The following USP44 variants were observed in gnomAD, a reference collection of about 807,000 sequenced individuals.
USP44 encodes the protein ubiquitin carboxyl-terminal hydrolase 44.
Under a neutral mutation model 69.0 loss-of-function variants are expected in USP44, and 61 were observed. The observed-to-expected ratio is 0.88, with a 90% CI of 0.72 to 1.09. USP44 has a LOEUF of 1.09. Ranked by LOEUF, USP44 falls within the 50% of genes least tolerant of loss-of-function variation. The pLI, the probability that USP44 is intolerant of heterozygous loss-of-function variation, is 0.00. For synonymous variants in USP44, 297 were observed against 295.4 expected (o/e 1.01, Z -0.06); for missense variants, 753 against 849.9 (o/e 0.89, Z 1.42).
chr12:95,545,968 C>A (rs900347322), intron 1 of USP44, among the ~76,000 whole-genome samples: 1 of 152,162 alleles, frequency 6.6e-6, no homozygotes, highest in Admixed American at 6.5e-5. Flanking sequence ...TCCCTTGGGC[C>A]TTCCTCATGT....
intron 1 of USP44, among the ~76,000 whole-genome samples, chr12:95,550,196 A>AC (rs1457369224): frequency 2.6e-4 from 39 of 152,062 alleles, no homozygotes; most frequent in Non-Finnish European, 4.4e-4. Flanking sequence ...AAAAAAAAAA[A>AC]AAAAAAAAAT....
chr12:95,537,949 A>G (rs573663736), intron 1 of USP44, among the ~76,000 whole-genome samples: 1 of 152,332 alleles, frequency 6.6e-6, no homozygotes, highest in Middle Eastern at 3.4e-3. Context: ...ATTCCCTTGA[A>G]TACAAAAAAA....
At chr12:95,543,738 G>A (rs1410254765) in intron 1 of USP44, among the ~76,000 whole-genome samples, 2 of 151,514 alleles carry the variant, frequency 1.3e-5, no homozygotes, top group South Asian at 2.1e-4. Context: ...AGGCTGAGGC[G>A]GGCAGATCAC....
chr12:95,537,547 G>A (rs143371333), intron 1 of USP44, among the ~76,000 whole-genome samples: 134 of 152,178 alleles, frequency 8.8e-4, no homozygotes, highest in African/African-American at 3.1e-3. Flanking sequence ...TTGAGCTCCC[G>A]ACCTCGTGAC....
intron 2 of USP44, 25 bp from the exon 3 acceptor site, chr12:95,529,027 A>T: frequency 6.4e-7 from 1 of 1,572,618 alleles, no homozygotes; most frequent in South Asian, 1.2e-5. Context: ...ATGAGTTCCT[A>T]AGATTATAAT....
At chr12:95,542,528 G>A (rs2077422652) in intron 1 of USP44, among the ~76,000 whole-genome samples, 1 of 152,058 alleles carries the variant, frequency 6.6e-6, no homozygotes, top group Non-Finnish European at 1.5e-5. Context: ...CACTTTGGGA[G>A]GCCAAGGTGG....
rs1308302395 is a variant in USP44, at chr12:95,517,581, A to ATT, written c.*571_*572dup. 6.6e-6 allele frequency: 1 copy of ATT among 152,254 alleles called. No individual in the cohort carries two copies. Among genetic ancestry groups the ATT allele is most frequent in the African/African-American group, 2.4e-5 (1 of 41,450 alleles). 9.4% of individuals were successfully genotyped at this position (152,254 alleles called of 1,614,324 possible). A position where few individuals can be genotyped will look rare whatever the true frequency, so the allele number is the denominator to read the frequency against. On this transcript the variant is annotated 3_prime_UTR_variant, in exon 6 of 6. Transcript: ENST00000258499. The stretch of plus-strand genomic sequence containing the variant: ...TATAGTTTGACTATGCCAAAGAGCA[A>ATT]TTACTAAAGCAATTTTGGGGTTACA...
In USP44 at chr12:95,533,396, A is replaced by G. The variant is rs2077088916; in HGVS notation, c.861T>C (p.Val287=). 1 of 1,613,568 alleles carries G rather than the reference A, an allele frequency of 6.2e-7. No homozygotes were observed. The highest frequency in any genetic ancestry group is 1.3e-5 in the African/African-American group (1 of 74,934). Residue 287 remains valine, a synonymous_variant, in exon 2 of 6, where the codon GTT becomes GTC. Coordinates refer to ENST00000258499, the MANE Select transcript of USP44 (RefSeq NM_032147.5). The part of the protein sequence containing the change: ...NLGNTCYMNS[V]LQVLSHLLIF... Reference sequence around the variant, plus strand: ...TAAGTAAATGACTCAACACCTGAAGAACAGAATTCATATAGCAAGTATTTC... The same window carrying G: ...TAAGTAAATGACTCAACACCTGAAGGACAGAATTCATATAGCAAGTATTTC...
intron 3 of USP44, among the ~76,000 whole-genome samples, chr12:95,528,194 G>T (rs2076912491): frequency 6.6e-6 from 1 of 152,164 alleles, no homozygotes; most frequent in Non-Finnish European, 1.5e-5. Context: ...TCAGGTTCCT[G>T]TGCTCTCCTC....
At position 95,534,067 on chromosome 12, in the gene USP44, T is replaced by C. The variant is rs757489411; in HGVS notation, c.190A>G (p.Ser64Gly). 2 of 1,614,222 alleles carry C rather than the reference T, an allele frequency of 1.2e-6. No homozygotes were observed. The highest frequency in any genetic ancestry group is 1.1e-5 in the South Asian group (1 of 91,084). Reference protein sequence around the residue: ...EEHALKHFQESSHPVALEVNE... With the variant: ...EEHALKHFQEGSHPVALEVNE... The stretch of plus-strand genomic sequence containing the variant: ...ACCTCCAATGCAACAGGATGACTGC[T>C]TTCTTGAAAGTGCTTGAGTGCATGC... The change falls in exon 2 of 6, where the codon AGC (serine) becomes GGC (glycine). Residue 64 changes from serine to glycine, a missense_variant. Transcript: ENST00000258499.
intron 1 of USP44, among the ~76,000 whole-genome samples, chr12:95,551,025 T>C (rs2077714633): frequency 6.6e-6 from 1 of 152,136 alleles, no homozygotes; most frequent in Non-Finnish European, 1.5e-5. Context: ...CAGCTACCAT[T>C]TTATTCATGA....
At position 95,521,179 on chromosome 12, in the gene USP44, T is replaced by C; in HGVS notation, c.1757A>G (p.Glu586Gly). 5.6e-6 allele frequency: 9 copies of C among 1,614,064 alleles called. No homozygotes were observed. Among genetic ancestry groups the C allele is most frequent in the South Asian group, 1.1e-5 (1 of 91,070 alleles). ...RFRWSGRNNR[E>G]KIGVHVGFEE... ...AAAGCCAACATGAACACCAATCTTCTCTCGGTTATTACGTCCTGACCACCT... is the reference window on the plus strand; with the variant it reads ...AAAGCCAACATGAACACCAATCTTCCCTCGGTTATTACGTCCTGACCACCT... Residue 586 changes from glutamate (E) to glycine (G), a missense_variant, in exon 5 of 6, where the codon GAG (glutamate) becomes GGG (glycine). Physicochemically the swap from Glu to Gly is moderately conservative, Grantham distance 98 (BLOSUM62 -2). Coordinates refer to ENST00000258499, the MANE Select transcript of USP44 (RefSeq NM_032147.5).
chr12:95,524,803 A>C lies in USP44; in HGVS notation c.1625-15T>G. 1 of 1,573,078 alleles carries C rather than the reference A, an allele frequency of 6.4e-7. No homozygotes were observed. The highest frequency in any genetic ancestry group is 8.6e-7 in the Non-Finnish European group (1 of 1,163,998). On this transcript the variant is annotated splice_polypyrimidine_tract_variant and intron_variant, in intron 3 of 5. Transcript: ENST00000258499. ...TCTACGCTTTGCTGTAACATCAAAG[A>C]AAGAATAAAAATCAAATTTCATTTA...
At chr12:95,527,836 C>CTTT (rs760231106) in intron 3 of USP44, among the ~76,000 whole-genome samples, 12 of 54,816 alleles carry the variant, frequency 2.2e-4, no homozygotes, top group Non-Finnish European at 3.2e-4. Context: ...GAGGAAGATG[C>CTTT]TTTTTTTTTT....
chr12:95,550,658 C>G (rs2077708693), intron 1 of USP44, among the ~76,000 whole-genome samples: 1 of 151,766 alleles, frequency 6.6e-6, no homozygotes, highest in African/African-American at 2.4e-5. Context: ...TATTATAATG[C>G]CATAAAACCA....
intron 1 of USP44, among the ~76,000 whole-genome samples, chr12:95,537,669 C>CA (rs1416599223): frequency 2.0e-5 from 3 of 151,846 alleles, no homozygotes; most frequent in South Asian, 2.1e-4. Flanking sequence ...GAAATGCCAG[C>CA]AAAAAAGATC....
At chr12:95,524,551 A>G (rs2076771946) in intron 4 of USP44, 129 bp downstream of exon 4, 1 of 646,432 alleles carries the variant, frequency 1.5e-6, no homozygotes, top group South Asian at 2.4e-5. Flanking sequence ...AGTATATGAT[A>G]TTAAAAGTTA....
At chr12:95,543,406 CA>C (rs60127958) in intron 1 of USP44, among the ~76,000 whole-genome samples, 1,318 of 43,182 alleles carry the variant, frequency 0.031, 9 homozygotes, top group African/African-American at 0.091. Flanking sequence ...GACTCTTTCT[CA>C]AAAAAAAAAA....
chr12:95,534,362 G>T, intron 1 of USP44, 36 bp from the exon 2 acceptor site: 3 of 1,097,588 alleles, frequency 2.7e-6, no homozygotes, highest in Non-Finnish European at 3.9e-6. Flanking sequence ...ATAACAAGAT[G>T]CTAATATTTT....
Sources: gnomAD v4.1 joint callset for allele counts (sites outside exome capture counted in the v4.1 genomes callset) on GRCh38, gnomAD v4.1.1 for gene constraint, MANE v1.5 for transcripts, NCBI Gene and HGNC (gene_info 2026-07-23, HGNC 2026-07-21) for gene names.